Variants in NNT observed in about 807,000 individuals in gnomAD.
NNT encodes the protein nicotinamide nucleotide transhydrogenase.
A neutral mutation model predicts 104.8 loss-of-function variants in NNT; 50 were observed. The ratio of observed to expected loss-of-function variants is 0.48; its 90% CI spans 0.38 to 0.60. NNT has a LOEUF of 0.60. NNT is among the 20% of genes least tolerant of loss of function. NNT has a pLI of 0.00. For missense variants in NNT, 1,131 were observed against 1,330.7 expected (o/e 0.85, Z 2.33); for synonymous variants, 461 against 490.4 (o/e 0.94, Z 0.79).
rs923387764 is a variant in NNT at position 43,705,780 on chromosome 5, T to TC, written c.*1376_*1377insC. ...AGATTAAGATCTGTGTATGTGTGTG[T>TC]GTGTGTGTGTGCGTTTGTGTGTTAA... is the stretch of plus-strand genomic sequence containing the variant. On this transcript the variant is annotated 3_prime_UTR_variant, in exon 22 of 22. Transcript: ENST00000344920. 2.6e-5 allele frequency: 4 copies of TC among 151,994 alleles called. No homozygotes were observed. The highest frequency in any genetic ancestry group is 5.9e-5 in the Non-Finnish European group (4 of 67,950). 9.4% of individuals were successfully genotyped at this position (151,994 alleles called of 1,614,324 possible). A position where few individuals can be genotyped will look rare whatever the true frequency, so the allele number is the denominator to read the frequency against.
At chr5:43,637,990 C>A (rs1027171460) in intron 7 of NNT, among the ~76,000 whole-genome samples, 4 of 152,126 alleles carry the variant, frequency 2.6e-5, no homozygotes, top group Admixed American at 1.3e-4. Context: ...CCATAATCCC[C>A]ACGTATCACG....
At chr5:43,646,480 G>A (rs937637290) in intron 10 of NNT, among the ~76,000 whole-genome samples, 1 of 103,802 alleles carries the variant, frequency 9.6e-6, no homozygotes, top group Non-Finnish European at 2.0e-5. Context: ...TTTTTTTTTT[G>A]TAGAGACGGG....
At chr5:43,650,384 T>G (rs1380570602) in intron 11 of NNT, 93 bp from the exon 12 acceptor site, 12 of 852,536 alleles carry the variant, frequency 1.4e-5, no homozygotes, top group Non-Finnish European at 2.3e-5. Context: ...AACTTTACCC[T>G]CTATGAATCT....
In NNT at chr5:43,665,535, A is replaced by G. The variant is rs552299251; in HGVS notation, c.2634+6185A>G. Reference sequence around the variant, plus strand: ...TAGTGGACACAGCACATGTTTCAGAAAGCACCGGGTTGGGGGCAAGGTCAT... The same window carrying G: ...TAGTGGACACAGCACATGTTTCAGAGAGCACCGGGTTGGGGGCAAGGTCAT... On this transcript the variant is annotated intron_variant, in intron 17 of 21. Transcript: ENST00000344920. 2.0e-4 allele frequency among the ~76,000 whole-genome samples: 31 copies of G among 152,254 alleles called. No individual in the cohort carries two copies. The South Asian group carries it at 2.5e-3, about 12-fold the overall frequency.
At chr5:43,669,528 A>G (rs1488158851) in intron 17 of NNT, among the ~76,000 whole-genome samples, 5 of 152,046 alleles carry the variant, frequency 3.3e-5, no homozygotes, top group African/African-American at 1.2e-4. Context: ...TTCTGCATCT[A>G]TTGAGATAAT....
intron 19 of NNT, among the ~76,000 whole-genome samples, chr5:43,696,415 C>T (rs957404296): frequency 1.8e-4 from 27 of 152,182 alleles, no homozygotes; most frequent in African/African-American, 6.0e-4. Flanking sequence ...AGGGTACAGC[C>T]TCCCTCCTGG....
rs1743121425 is a variant in NNT at position 43,707,296 on chromosome 5, T to C, written c.*2892T>C. The C allele has an allele frequency of 6.6e-6, 1 of 152,130 alleles. No homozygotes were observed. The allele number at this position is 152,130 out of a possible 1,614,324, so 9.4% of individuals were successfully genotyped here. A position where few individuals can be genotyped will look rare whatever the true frequency, so the allele number is the denominator to read the frequency against. On this transcript the variant is annotated 3_prime_UTR_variant, in exon 22 of 22. Coordinates refer to ENST00000344920, the MANE Select transcript of NNT (RefSeq NM_182977.3). ...TTCTCACCACAAAAGTGATAACTAA[T>C]TGAGGTAATGCACATATTAATTAGA...
At chr5:43,675,090 T>G (rs182077645) in intron 17 of NNT, among the ~76,000 whole-genome samples, 86 of 152,324 alleles carry the variant, frequency 5.6e-4, no homozygotes, top group African/African-American at 2.0e-3. Flanking sequence ...TCTTTACTGT[T>G]TTGATTCTTA....
At chr5:43,631,005 G>A (rs1240044807) in intron 7 of NNT, among the ~76,000 whole-genome samples, 2 of 152,138 alleles carry the variant, frequency 1.3e-5, no homozygotes, top group African/African-American at 4.8e-5. Flanking sequence ...ATAAACCCAA[G>A]GACAAAGAAT....
chr5:43,655,110 C>T (rs1386495128), intron 14 of NNT, among the ~76,000 whole-genome samples: 1 of 152,146 alleles, frequency 6.6e-6, no homozygotes, highest in Non-Finnish European at 1.5e-5. Flanking sequence ...TCTTCATGTT[C>T]CAGGTGTTTC....
At chr5:43,622,746 C>T (rs900427978) in intron 5 of NNT, among the ~76,000 whole-genome samples, 1 of 152,164 alleles carries the variant, frequency 6.6e-6, no homozygotes, top group African/African-American at 2.4e-5. Flanking sequence ...GGATTTTGAC[C>T]TAAGCTCTCT....
chr5:43,613,278 G>A lies in NNT; in HGVS notation c.381+141G>A, dbSNP rs145561527. On this transcript the variant is annotated intron_variant, in intron 3 of 21. Coordinates refer to ENST00000344920, the MANE Select transcript of NNT (RefSeq NM_182977.3). ...ATTTTTCTCAAAGAAATGACTGCAT[G>A]TCGTCATATTCTTCATGCTCCAGTA... is the stretch of plus-strand genomic sequence containing the variant. 1,543 of 642,124 alleles carry A rather than the reference G, an allele frequency of 2.4e-3. 5 individuals carry two copies. The highest frequency in any genetic ancestry group is 8.6e-3 in the South Asian group (399 of 46,224). 39.8% of individuals were successfully genotyped at this position (642,124 alleles called of 1,614,324 possible).
At chr5:43,689,786 A>G (rs10051788) in intron 19 of NNT, among the ~76,000 whole-genome samples, 4,473 of 152,308 alleles carry the variant, frequency 0.029, 181 homozygotes, top group African/African-American at 0.093. Flanking sequence ...ATGAAAGGAA[A>G]CATCTTTTGT....
intron 10 of NNT, 199 bp downstream of exon 10, chr5:43,645,709 A>ATTTTTTTTTTTT (rs70997422): frequency 2.3e-5 from 1 of 44,290 alleles, no homozygotes; most frequent in Non-Finnish European, 3.9e-5. Flanking sequence ...ATATATATAT[A>ATTTTTTTTTTTT]TTTTTTTTTT....
intron 16 of NNT, among the ~76,000 whole-genome samples, chr5:43,657,437 C>T (rs1278517448): frequency 6.6e-6 from 1 of 152,178 alleles, no homozygotes; most frequent in African/African-American, 2.4e-5. Context: ...CTGTTTTATG[C>T]AGCGCTATTT....
rs1007403704 is a variant in NNT, at chr5:43,651,937, T to G, written c.1863+53T>G. The G allele has an allele frequency of 3.9e-6, 6 of 1,558,440 alleles. No homozygotes were observed. In the Admixed American group the frequency reaches 7.0e-5, roughly 18 times the overall value. The stretch of plus-strand genomic sequence containing the variant: ...TTTACCACAATATTTTCTTCTCTAT[T>G]AGATTTAACATTGTTAGTTATCCTA... On this transcript the variant is annotated intron_variant, in intron 13 of 21. Transcript: ENST00000344920.
chr5:43,682,205 ATTC>A (rs1302608040), intron 19 of NNT, among the ~76,000 whole-genome samples: 1 of 124,048 alleles, frequency 8.1e-6, no homozygotes, highest in Non-Finnish European at 1.7e-5. Flanking sequence ...GTCTAACTGG[ATTC>A]TTTTTTTTTT....
At chr5:43,612,849 A>C (rs763150844) in intron 2 of NNT, 59 bp from the exon 3 acceptor site, 64 of 1,270,730 alleles carry the variant, frequency 5.0e-5, no homozygotes, top group Non-Finnish European at 7.2e-5. Flanking sequence ...CTGTTTTTAA[A>C]CATTTTTTGT....
chr5:43,634,540 AC>A (rs1750837467), intron 7 of NNT, among the ~76,000 whole-genome samples: 1 of 152,116 alleles, frequency 6.6e-6, no homozygotes, highest in Non-Finnish European at 1.5e-5. Context: ...CTTTTATATT[AC>A]TTTTTTTGTT....
Sources: gnomAD v4.1 joint callset for allele counts (sites outside exome capture counted in the v4.1 genomes callset) on GRCh38, gnomAD v4.1.1 for gene constraint, MANE v1.5 for transcripts, NCBI Gene and HGNC (gene_info 2026-07-23, HGNC 2026-07-21) for gene names.